The following NLRP11 variants were observed in gnomAD, a reference collection of about 807,000 sequenced individuals.
NLRP11 encodes NLR family pyrin domain containing 11.
NLRP11 carries 53 observed loss-of-function variants against 79.3 expected under a neutral mutation model. The observed-to-expected ratio is 0.67, with a 90% CI of 0.54 to 0.84. The LOEUF is 0.84. Ranked by LOEUF, NLRP11 falls within the 40% of genes least tolerant of loss-of-function variation. The pLI is 0.00. For missense variants in NLRP11, 1,264 were observed against 1,255.0 expected, an observed-to-expected ratio of 1.01 and a Z score of -0.11; for synonymous variants, 518 against 462.6, an observed-to-expected ratio of 1.12 and a Z score of -1.54.
intron 1 of NLRP11, among the ~76,000 whole-genome samples, chr19:55,828,217 G>C (rs1475664777): frequency 6.7e-6 from 1 of 149,654 alleles, no homozygotes; most frequent in Admixed American, 6.8e-5. Flanking sequence ...ATTGAACAAT[G>C]AGATCACATG....
At position 55,809,555 on chromosome 19, in the gene NLRP11, T is replaced by A. The variant is rs777029508; in HGVS notation, c.1055A>T (p.Gln352Leu). 3 of 1,614,216 alleles carry A rather than the reference T, an allele frequency of 1.9e-6. No homozygotes were observed. The highest frequency in any genetic ancestry group is 2.5e-6 in the Non-Finnish European group (3 of 1,180,032). ...CTGGAAGTCACGCCCCTTGTCCATCTGCCGCTTCAGGACAGTACACGTGAT... is the reference window on the plus strand; with the variant it reads ...CTGGAAGTCACGCCCCTTGTCCATCAGCCGCTTCAGGACAGTACACGTGAT... The change falls in exon 3 of 10, where the codon CAG becomes CTG. Residue 352 changes from glutamine to leucine, a missense_variant. Physicochemically the swap from Gln to Leu is moderately radical, Grantham distance 113. Transcript: ENST00000589093. The surrounding 1 kb of genome is among the most constrained non-coding windows in gnomAD (Gnocchi z 4.5).
chr19:55,831,563 A>G (rs966394144), intron 1 of NLRP11, among the ~76,000 whole-genome samples: 9 of 152,064 alleles, frequency 5.9e-5, no homozygotes, highest in African/African-American at 2.2e-4. Flanking sequence ...CTCCGTCTCA[A>G]AATAAATAAA....
chr19:55,824,878 C>T (rs1467922444), intron 1 of NLRP11, among the ~76,000 whole-genome samples: 1 of 87,764 alleles, frequency 1.1e-5, no homozygotes, highest in Non-Finnish European at 1.9e-5. Context: ...ACAAGGATAC[C>T]CAGGAATTGA....
At chr19:55,787,577 T>C (rs1415575758) in intron 9 of NLRP11, among the ~76,000 whole-genome samples, 2 of 152,166 alleles carry the variant, frequency 1.3e-5, no homozygotes, top group Non-Finnish European at 2.9e-5. Context: ...CCTCAAGTGA[T>C]CCACCCGCCT....
chr19:55,790,640 A>G (rs1990180986), intron 7 of NLRP11, among the ~76,000 whole-genome samples: 1 of 152,214 alleles, frequency 6.6e-6, no homozygotes, highest in African/African-American at 2.4e-5. Flanking sequence ...TAATCATATT[A>G]AAGCAGATTC....
chr19:55,817,206 A>G (rs986400884), intron 2 of NLRP11, among the ~76,000 whole-genome samples: 3 of 152,188 alleles, frequency 2.0e-5, no homozygotes, highest in African/African-American at 7.2e-5. Context: ...TGGATGTGGT[A>G]AAAAGGGAAC....
At chr19:55,797,423 A>G (rs7246257) in intron 5 of NLRP11, among the ~76,000 whole-genome samples, 8,779 of 152,330 alleles carry the variant, frequency 0.058, 262 homozygotes, top group African/African-American at 0.069. Flanking sequence ...AGGATTTTGA[A>G]TAATAACCAT....
intron 1 of NLRP11, among the ~76,000 whole-genome samples, chr19:55,819,126 TACACACAC>T (rs59055964): frequency 0.076 from 7,918 of 104,834 alleles, 323 homozygotes; most frequent in Non-Finnish European, 0.083. Flanking sequence ...TGGTATCGCC[TACACACAC>T]ACACACACAC....
chr19:55,795,975 G>T, intron 6 of NLRP11, 105 bp downstream of exon 6: 1 of 1,007,834 alleles, frequency 9.9e-7, no homozygotes, highest in Non-Finnish European at 1.5e-6. Context: ...GCTTTCGGCT[G>T]CTTTGCTTTG....
intron 2 of NLRP11, among the ~76,000 whole-genome samples, chr19:55,811,348 A>C (rs907774933): frequency 5.9e-5 from 9 of 152,216 alleles, no homozygotes; most frequent in Middle Eastern, 3.2e-3. Flanking sequence ...CTAGAGGGGG[A>C]TGACTCCTTC....
At chr19:55,793,320 G>A (rs1205754880) in intron 6 of NLRP11, among the ~76,000 whole-genome samples, 1 of 152,010 alleles carries the variant, frequency 6.6e-6, no homozygotes, top group East Asian at 1.9e-4. Context: ...TGTAATCCTG[G>A]CACCTTGGGA....
chr19:55,791,761 A>G (rs1990246909), intron 7 of NLRP11, among the ~76,000 whole-genome samples: 1 of 152,216 alleles, frequency 6.6e-6, no homozygotes. Context: ...ACACTCAAAA[A>G]ACTGTAGTGG....
upstream of NLRP11, among the ~76,000 whole-genome samples, chr19:55,835,440 C>G (rs945732502): frequency 4.6e-5 from 7 of 152,264 alleles, no homozygotes; most frequent in Non-Finnish European, 1.0e-4. Context: ...GTGGCTCATG[C>G]CTGTAATCCC....
chr19:55,809,133 T>G lies in NLRP11; in HGVS notation c.1477A>C (p.Thr493Pro). 1 of 1,613,922 alleles carries G rather than the reference T, an allele frequency of 6.2e-7. No individual in the cohort carries two copies. The highest frequency in any genetic ancestry group is 1.1e-5 in the South Asian group (1 of 91,078). Reference sequence around the variant, plus strand: ...GCATTTAGAAGACCAAAAATGAAAGTAAACACTTGATTAAAGTCAGAGTAT... The same window carrying G: ...GCATTTAGAAGACCAAAAATGAAAGGAAACACTTGATTAAAGTCAGAGTAT... Residue 493 changes from threonine to proline, a missense_variant, in exon 3 of 10, where the codon ACT becomes CCT. By Grantham distance (38) the Thr-to-Pro change is conservative (BLOSUM62 -1). Coordinates refer to ENST00000589093, the Ensembl canonical transcript of NLRP11. The surrounding 1 kb of genome is among the most constrained non-coding windows in gnomAD (Gnocchi z 4.5).
At chr19:55,801,785 ATCT>A (rs756751458) in intron 4 of NLRP11, 46 bp from the exon 5 acceptor site, 8 of 1,529,344 alleles carry the variant, frequency 5.2e-6, no homozygotes, top group Middle Eastern at 1.7e-4. Flanking sequence ...AGGTCTGAAC[ATCT>A]TCTCCACAAT....
intron 7 of NLRP11, among the ~76,000 whole-genome samples, chr19:55,791,299 T>C (rs1346283650): frequency 1.3e-5 from 2 of 152,146 alleles, no homozygotes; most frequent in Non-Finnish European, 2.9e-5. Context: ...GAGGGTGAGT[T>C]ATATTATTTT....
chr19:55,802,237 G>A (rs947422058), intron 4 of NLRP11, among the ~76,000 whole-genome samples: 27 of 152,288 alleles, frequency 1.8e-4, no homozygotes, highest in African/African-American at 6.5e-4. Context: ...ATCACTGTTT[G>A]CAGATGACAT....
At chr19:55,820,972 G>T (rs921505808) in intron 1 of NLRP11, among the ~76,000 whole-genome samples, 1 of 151,698 alleles carries the variant, frequency 6.6e-6, no homozygotes, top group Non-Finnish European at 1.5e-5. Context: ...GAACCTGGAT[G>T]TGGAAGGCAC....
At chr19:55,795,114 C>T (rs1167981180) in intron 6 of NLRP11, among the ~76,000 whole-genome samples, 1 of 152,116 alleles carries the variant, frequency 6.6e-6, no homozygotes, top group Non-Finnish European at 1.5e-5. Context: ...CATTTTTGTA[C>T]CTTTATGCCT....
Sources: gnomAD v4.1 joint callset for allele counts (sites outside exome capture counted in the v4.1 genomes callset) on GRCh38, gnomAD v4.1.1 for gene constraint, Gnocchi (gnomAD v3.1) non-coding constraint, MANE v1.5 for transcripts, NCBI Gene and HGNC (gene_info 2026-07-23, HGNC 2026-07-21) for gene names.